Variants in GFI1 observed in about 807,000 individuals in gnomAD.
GFI1 encodes the protein zinc finger protein Gfi-1.
A neutral mutation model predicts 39.2 loss-of-function variants in GFI1; 15 were observed. The ratio of observed to expected loss-of-function variants is 0.38; its 90% CI spans 0.26 to 0.59. The LOEUF is 0.59. Among genes scored for constraint, GFI1 ranks in the 20% least tolerant of loss-of-function variants. The pLI, the probability that GFI1 is intolerant of heterozygous loss-of-function variation, is 0.62. For missense variants in GFI1, 475 were observed against 574.0 expected (o/e 0.83, Z 1.76); for synonymous variants, 239 against 254.3 (o/e 0.94, Z 0.57).
chr1:92,483,682 G>A, intron 1 of GFI1, 96 bp from the exon 2 acceptor site: 1 of 636,908 alleles, frequency 1.6e-6, no homozygotes, highest in Middle Eastern at 4.1e-4. Context: ...GGCCAGGGAG[G>A]CGCGCAGAGG....
chr1:92,475,284 A>G lies in GFI1; in HGVS notation c.*745T>C, dbSNP rs1306168114. On this transcript the variant is annotated 3_prime_UTR_variant, in exon 7 of 7. Coordinates refer to ENST00000294702, the MANE Select transcript of GFI1 (RefSeq NM_005263.5). ...AATGAATGACATCTTGTCCACAGGC[A>G]TTGCTTGTGCTTTTACCTCCAGTGA... 1 of 152,478 alleles carries G rather than the reference A, an allele frequency of 6.6e-6. No individual in the cohort carries two copies. Among genetic ancestry groups the G allele is most frequent in the African/African-American group, 2.4e-5 (1 of 41,410 alleles). The allele number at this position is 152,478 out of a possible 1,614,324, so 9.4% of individuals were successfully genotyped here.
At position 92,480,964 on chromosome 1, in the gene GFI1, CG is replaced by C; in HGVS notation, c.422del (p.Pro141ArgfsTer57). ...CAGCGCCACGCTCCAGGGCCCCACACGGTCGGTAGCTCTGCACCAGGTGCCG... is the reference window on the plus strand; with the variant it reads ...CAGCGCCACGCTCCAGGGCCCCACACGTCGGTAGCTCTGCACCAGGTGCCG... The part of the protein sequence containing the change: ...DLRHLVQSYR[P>X]CGALERGAGL... On this transcript the variant is annotated frameshift_variant, in exon 4 of 7. Coordinates refer to ENST00000294702, the MANE Select transcript of GFI1 (RefSeq NM_005263.5). LOFTEE classifies it high-confidence loss of function. The surrounding 1 kb of genome is among the most constrained non-coding windows in gnomAD (Gnocchi z 5.6). The C allele has an allele frequency of 6.3e-7, 1 of 1,596,460 alleles. No individual in the cohort carries two copies. Among genetic ancestry groups the C allele is most frequent in the Non-Finnish European group, 8.5e-7 (1 of 1,172,414 alleles).
At chr1:92,479,600 C>G (rs888449926) in intron 5 of GFI1, among the ~76,000 whole-genome samples, 2 of 152,108 alleles carry the variant, frequency 1.3e-5, no homozygotes, top group Non-Finnish European at 1.5e-5. Context: ...GCCTGTAATC[C>G]CAGCACTTTG....
Position 92,483,534 on chromosome 1 carries a change from G to T in GFI1, c.-47C>A. The T allele has an allele frequency of 1.8e-6, 2 of 1,115,266 alleles. No homozygotes were observed. The highest frequency in any genetic ancestry group is 2.7e-6 in the Non-Finnish European group (2 of 740,506). 69.1% of individuals were successfully genotyped at this position (1,115,266 alleles called of 1,614,324 possible). On this transcript the variant is annotated 5_prime_UTR_variant, in exon 2 of 7. Coordinates refer to ENST00000294702, the MANE Select transcript of GFI1 (RefSeq NM_005263.5). ...CTGCGCCCCAAGAGTCCCTGGAGCC[G>T]CTGTCACCCACGGTCACTCCGAGGG...
At chr1:92,483,721 T>C in intron 1 of GFI1, 135 bp from the exon 2 acceptor site, 2 of 550,882 alleles carry the variant, frequency 3.6e-6, no homozygotes, top group Non-Finnish European at 6.6e-6. Context: ...TTGACCCTGC[T>C]GCGCCGCGCT....
intron 1 of GFI1, among the ~76,000 whole-genome samples, chr1:92,486,254 T>TG (rs907070804): frequency 2.0e-5 from 3 of 152,182 alleles, no homozygotes; most frequent in East Asian, 1.9e-4. Flanking sequence ...GGCCAGGCGG[T>TG]GGGGGGCCTG....
At position 92,480,850 on chromosome 1, in the gene GFI1, G is replaced by C; in HGVS notation, c.537C>G (p.Ala179=). The C allele has an allele frequency of 6.8e-7, 1 of 1,471,568 alleles. No individual in the cohort carries two copies. The highest frequency in any genetic ancestry group is 9.0e-7 in the Non-Finnish European group (1 of 1,116,174). The allele number at this position is 1,471,568 out of a possible 1,614,324, so 91.2% of individuals were successfully genotyped here. ...CTGCGCTGCAGCTCCCTGGCGCCCC[G>C]GCCCCCGCGCCGCCGGCAGCCCGCT... ...GPKRAAGGAG[A]GAPGSCSAGA... Residue 179 remains alanine (A), a synonymous_variant, in exon 4 of 7, where the codon GCC becomes GCG. Coordinates refer to ENST00000294702, the MANE Select transcript of GFI1 (RefSeq NM_005263.5). The surrounding 1 kb of genome is among the most constrained non-coding windows in gnomAD (Gnocchi z 5.6).
At position 92,481,020 on chromosome 1, in the gene GFI1, A is replaced by C; in HGVS notation, c.367T>G (p.Ser123Ala). 1 of 1,611,774 alleles carries C rather than the reference A, an allele frequency of 6.2e-7. No individual in the cohort carries two copies. Among genetic ancestry groups the C allele is most frequent in the East Asian group, 2.2e-5 (1 of 44,818 alleles). The change falls in exon 4 of 7, where the codon TCA (serine) becomes GCA (alanine). Residue 123 changes from serine (S) to alanine (A), a missense_variant. Transcript: ENST00000294702. The surrounding 1 kb of genome is among the most constrained non-coding windows in gnomAD (Gnocchi z 4.3). ...QPFPLPFKPY[S>A]WSGLAGSDLR... Reference sequence around the variant, plus strand: ...TCAGAACCCGCCAGGCCGCTCCATGAGTACGGTTTGAAAGGCAGGGGGAAG... The same window carrying C: ...TCAGAACCCGCCAGGCCGCTCCATGCGTACGGTTTGAAAGGCAGGGGGAAG...
chr1:92,483,119 T>A, intron 2 of GFI1, 73 bp from the exon 3 acceptor site: 1 of 1,365,930 alleles, frequency 7.3e-7, no homozygotes, highest in South Asian at 1.4e-5. Flanking sequence ...GCTCCCCCAA[T>A]CCCCCGACCA....
Position 92,481,616 on chromosome 1 carries a change from C to T in GFI1, c.299-528G>A, listed in dbSNP as rs1397247735. Among the ~76,000 whole-genome samples the T allele has an allele frequency of 2.0e-5, 3 of 152,122 alleles. No individual in the cohort carries two copies. The East Asian group carries it at 5.8e-4, about 29-fold the overall frequency. On this transcript the variant is annotated intron_variant, in intron 3 of 6. Transcript: ENST00000294702. This position sits in a 1 kb window ranked among gnomAD's most constrained non-coding sequence, Gnocchi z 4.3. ...GGGAGAAGGTCCATAAATGCGGCCC[C>T]GAACTACCCGAAAGGCTGCTGTCTG...
Sources: gnomAD v4.1 joint callset for allele counts (sites outside exome capture counted in the v4.1 genomes callset) on GRCh38, gnomAD v4.1.1 for gene constraint, Gnocchi (gnomAD v3.1) non-coding constraint, MANE v1.5 for transcripts, NCBI Gene and HGNC (gene_info 2026-07-23, HGNC 2026-07-21) for gene names.